Variants in DNER observed in about 807,000 individuals in gnomAD.
DNER encodes delta and Notch-like epidermal growth factor-related receptor.
A neutral mutation model predicts 78.2 loss-of-function variants in DNER; 33 were observed. The ratio of observed to expected loss-of-function variants is 0.42; its 90% confidence interval spans 0.32 to 0.56. The LOEUF is 0.56. Ranked by LOEUF, DNER falls within the 20% of genes least tolerant of loss-of-function variation. The pLI is 0.11. For missense variants in DNER, 918 were observed against 975.3 expected, an observed-to-expected ratio of 0.94 and a Z score of 0.78; for synonymous variants, 417 against 384.8, an observed-to-expected ratio of 1.08 and a Z score of -0.98.
chr2:229,630,479 AAATAAT>A (rs200043673), intron 1 of DNER, among the ~76,000 whole-genome samples: 27,115 of 138,850 alleles, frequency 0.2, 3,165 homozygotes, highest in African/African-American at 0.34. Flanking sequence ...CTCCATCTCA[AAATAAT>A]AATAATAATA....
At chr2:229,417,835 AC>A (rs1338100616) in intron 9 of DNER, among the ~76,000 whole-genome samples, 1 of 151,968 alleles carries the variant, frequency 6.6e-6, no homozygotes. Flanking sequence ...TCTTAATATT[AC>A]TTTTTGTTTT....
At chr2:229,604,718 T>C (rs1006227747) in intron 1 of DNER, among the ~76,000 whole-genome samples, 1 of 152,210 alleles carries the variant, frequency 6.6e-6, no homozygotes, top group African/African-American at 2.4e-5. Context: ...GCTGCTCTAA[T>C]TTTAATACCC....
intron 1 of DNER, among the ~76,000 whole-genome samples, chr2:229,620,335 T>A (rs967451808): frequency 6.6e-6 from 1 of 152,258 alleles, no homozygotes; most frequent in African/African-American, 2.4e-5. Context: ...TCTTTTTTCA[T>A]GTATCTTTTT....
At chr2:229,491,434 G>T (rs12464934) in intron 6 of DNER, among the ~76,000 whole-genome samples, 18,966 of 152,068 alleles carry the variant, frequency 0.12, 1,321 homozygotes, top group South Asian at 0.2. Context: ...CCTCCCAAAG[G>T]CTCCACCTTC....
intron 5 of DNER, among the ~76,000 whole-genome samples, chr2:229,531,493 T>TA (rs367852697): frequency 1.6e-4 from 24 of 151,006 alleles, no homozygotes; most frequent in African/African-American, 2.9e-4. Flanking sequence ...ATGGCAAGAA[T>TA]AAAAAAAAAT....
At chr2:229,630,524 A>AATAAT (rs1434299768) in intron 1 of DNER, among the ~76,000 whole-genome samples, 4 of 138,088 alleles carry the variant, frequency 2.9e-5, no homozygotes, top group Non-Finnish European at 4.8e-5. Context: ...ATAATAATAA[A>AATAAT]ATCTTCTGGC....
At chr2:229,587,788 C>T (rs902896945) in intron 3 of DNER, among the ~76,000 whole-genome samples, 2 of 152,254 alleles carry the variant, frequency 1.3e-5, no homozygotes, top group South Asian at 2.1e-4. Context: ...CACCTGCTGA[C>T]TTGAGCCTCA....
chr2:229,488,636 C>T (rs995753939), intron 6 of DNER, among the ~76,000 whole-genome samples: 3 of 152,240 alleles, frequency 2.0e-5, no homozygotes, highest in South Asian at 4.1e-4. Context: ...ACGTCCCTCT[C>T]TTTCCTCATA....
chr2:229,538,938 C>T (rs1463869399), intron 5 of DNER, among the ~76,000 whole-genome samples: 1 of 152,208 alleles, frequency 6.6e-6, no homozygotes, highest in African/African-American at 2.4e-5. Context: ...CCACTCTGCA[C>T]CCCCTCTCAC....
chr2:229,536,806 T>A (rs1466672807), intron 5 of DNER, among the ~76,000 whole-genome samples: 2 of 152,186 alleles, frequency 1.3e-5, no homozygotes, highest in Non-Finnish European at 2.9e-5. Flanking sequence ...GCAAATGAAG[T>A]GTGAAATCGG....
Position 229,591,510 on chromosome 2 carries a change from T to C in DNER, c.585+70A>G. The C allele has an allele frequency of 6.6e-7, 1 of 1,504,054 alleles. No individual in the cohort carries two copies. Among genetic ancestry groups the C allele is most frequent in the Non-Finnish European group, 8.9e-7 (1 of 1,122,998 alleles). The allele number at this position is 1,504,054 out of a possible 1,614,324, so 93.2% of individuals were successfully genotyped here. On this transcript the variant is annotated intron_variant, in intron 2 of 12. Coordinates refer to ENST00000341772, the MANE Select transcript of DNER (RefSeq NM_139072.4). The surrounding 1 kb of genome is among the most constrained non-coding windows in gnomAD (Gnocchi z 4.6). ...TGCTTTCATTTTTAATTGCTGATAC[T>C]AGAACCGCTGGAGTCACTTTAAGAT...
chr2:229,597,422 G>A (rs754179331), intron 1 of DNER, among the ~76,000 whole-genome samples: 3 of 152,004 alleles, frequency 2.0e-5, no homozygotes, highest in Admixed American at 6.5e-5. Flanking sequence ...TTTAAAGTTC[G>A]TATTTGTATT....
At chr2:229,506,319 A>G (rs1695744634) in intron 6 of DNER, among the ~76,000 whole-genome samples, 1 of 152,102 alleles carries the variant, frequency 6.6e-6, no homozygotes, top group Non-Finnish European at 1.5e-5. Context: ...CTTGTAATGA[A>G]TTACTATCAC....
At chr2:229,444,279 A>G (rs1303241399) in intron 8 of DNER, among the ~76,000 whole-genome samples, 1 of 152,234 alleles carries the variant, frequency 6.6e-6, no homozygotes, top group African/African-American at 2.4e-5. Context: ...TCACTAGTCC[A>G]TGCCAGGAAA....
intron 8 of DNER, among the ~76,000 whole-genome samples, chr2:229,440,906 T>C (rs1694220322): frequency 6.6e-6 from 1 of 152,238 alleles, no homozygotes; most frequent in Non-Finnish European, 1.5e-5. Context: ...TTTCTATTGG[T>C]ACTTGCTAGA....
At chr2:229,437,994 C>G (rs1471188977) in intron 8 of DNER, among the ~76,000 whole-genome samples, 2 of 152,182 alleles carry the variant, frequency 1.3e-5, no homozygotes, top group African/African-American at 4.8e-5. Flanking sequence ...GTCTGCATTT[C>G]TCATTTGAGT....
At chr2:229,485,905 G>T (rs1695261325) in intron 6 of DNER, among the ~76,000 whole-genome samples, 1 of 152,176 alleles carries the variant, frequency 6.6e-6, no homozygotes, top group Admixed American at 6.5e-5. Context: ...AGGCTCCCAT[G>T]GTGGCAATTG....
chr2:229,412,944 C>A (rs1693554475), intron 9 of DNER, among the ~76,000 whole-genome samples: 1 of 152,012 alleles, frequency 6.6e-6, no homozygotes, highest in Admixed American at 6.6e-5. Context: ...GGGCCAAGAG[C>A]CATGGTTGAA....
At chr2:229,564,596 A>G (rs1036069354) in intron 4 of DNER, among the ~76,000 whole-genome samples, 1 of 150,024 alleles carries the variant, frequency 6.7e-6, no homozygotes, top group African/African-American at 2.5e-5. Flanking sequence ...CACCATCATC[A>G]TCATCATCCT....
Sources: gnomAD v4.1 joint callset for allele counts (sites outside exome capture counted in the v4.1 genomes callset) on GRCh38, gnomAD v4.1.1 for gene constraint, Gnocchi (gnomAD v3.1) non-coding constraint, MANE v1.5 for transcripts, NCBI Gene and HGNC (gene_info 2026-07-23, HGNC 2026-07-21) for gene names.